TM2D1: variants seen among roughly 807,000 people sequenced by gnomAD.
The protein encoded by TM2D1 is TM2 domain containing 1.
Under a neutral mutation model 28.4 loss-of-function variants are expected in TM2D1, and 15 were observed. The ratio of observed to expected loss-of-function variants is 0.53; its 90% CI spans 0.35 to 0.81. The LOEUF (loss-of-function observed/expected upper bound fraction) is 0.81. Ranked by LOEUF, TM2D1 falls within the 40% of genes least tolerant of loss-of-function variation. The pLI, the probability that TM2D1 is intolerant of heterozygous loss-of-function variation, is 0.01. For missense variants in TM2D1, 236 were observed against 254.9 expected (o/e 0.93, Z 0.50); for synonymous variants, 93 against 96.2 (o/e 0.97, Z 0.20).
chr1:61,721,852 G>C (rs1160537766), intron 2 of TM2D1, among the ~76,000 whole-genome samples: 1 of 148,220 alleles, frequency 6.7e-6, no homozygotes, highest in African/African-American at 2.5e-5. Context: ...GCTCATGCCT[G>C]TCATCCCACC....
intron 2 of TM2D1, among the ~76,000 whole-genome samples, chr1:61,717,662 G>C (rs1644532150): frequency 6.6e-6 from 1 of 152,012 alleles, no homozygotes; most frequent in Non-Finnish European, 1.5e-5. Context: ...TAGCCTCGAA[G>C]TCCTGCGCTC....
intron 5 of TM2D1, among the ~76,000 whole-genome samples, chr1:61,693,245 CTATT>C (rs1387903473): frequency 6.6e-6 from 1 of 152,104 alleles, no homozygotes; most frequent in African/African-American, 2.4e-5. Flanking sequence ...CTCAAAAAAA[CTATT>C]TATTGTAAAA....
At chr1:61,722,391 CAG>C (rs1489289024) in intron 2 of TM2D1, among the ~76,000 whole-genome samples, 2 of 152,146 alleles carry the variant, frequency 1.3e-5, no homozygotes, top group African/African-American at 4.8e-5. Flanking sequence ...GCCCCAGAGA[CAG>C]AGTCTTGCTC....
chr1:61,682,776 C>T (rs550737494), intron 6 of TM2D1, among the ~76,000 whole-genome samples: 143 of 151,900 alleles, frequency 9.4e-4, no homozygotes, highest in African/African-American at 3.4e-3. Flanking sequence ...GCCTGTAGTC[C>T]CAGCTACTGG....
intron 2 of TM2D1, among the ~76,000 whole-genome samples, chr1:61,713,608 G>A (rs972802660): frequency 6.6e-6 from 1 of 151,386 alleles, no homozygotes; most frequent in Non-Finnish European, 1.5e-5. Flanking sequence ...GATTAAGTGT[G>A]CCAGAAAGCA....
At chr1:61,683,702 A>G (rs2148030600) in intron 5 of TM2D1, 156 bp from the exon 6 acceptor site, 1 of 463,398 alleles carries the variant, frequency 2.2e-6, no homozygotes, top group Non-Finnish European at 3.8e-6. Flanking sequence ...TCATGTAGCT[A>G]AAAACAACTA....
intron 2 of TM2D1, among the ~76,000 whole-genome samples, chr1:61,717,736 C>G (rs1403941380): frequency 6.6e-6 from 1 of 151,976 alleles, no homozygotes; most frequent in Non-Finnish European, 1.5e-5. Context: ...ACCACCACAC[C>G]TGGTATAGAA....
intron 3 of TM2D1, among the ~76,000 whole-genome samples, chr1:61,705,475 C>T (rs113475737): frequency 1.1e-3 from 164 of 152,258 alleles, no homozygotes; most frequent in Non-Finnish European, 1.9e-3. Context: ...AGTGAGCCAC[C>T]ACACCTGGCT....
At chr1:61,719,429 G>A (rs1348467987) in intron 2 of TM2D1, among the ~76,000 whole-genome samples, 2 of 151,946 alleles carry the variant, frequency 1.3e-5, no homozygotes, top group African/African-American at 4.8e-5. Flanking sequence ...GAGAGAGAGA[G>A]AGAGTATGTT....
chr1:61,703,258 T>C lies in TM2D1; in HGVS notation c.348-2233A>G, dbSNP rs146739761. Among the ~76,000 whole-genome samples the C allele has an allele frequency of 2.8e-3, 410 of 147,718 alleles. 9 individuals carry two copies. The highest frequency in any genetic ancestry group is 3.7e-3 in the East Asian group (19 of 5,130). Reference sequence around the variant, plus strand: ...TATATATTATATATGATCTAAAATATATAATTATATTTTATATATTATATA... The same window carrying C: ...TATATATTATATATGATCTAAAATACATAATTATATTTTATATATTATATA... On this transcript the variant is annotated intron_variant, in intron 3 of 6. Transcript: ENST00000606498.
At chr1:61,688,835 AG>A (rs1054386880) in intron 5 of TM2D1, among the ~76,000 whole-genome samples, 7 of 92,912 alleles carry the variant, frequency 7.5e-5, no homozygotes, top group African/African-American at 1.4e-4. Context: ...AACTGAGGTC[AG>A]GAGTTTGAGA....
chr1:61,718,984 T>C (rs1446716432), intron 2 of TM2D1, among the ~76,000 whole-genome samples: 11 of 152,246 alleles, frequency 7.2e-5, no homozygotes, highest in Non-Finnish European at 1.5e-4. Context: ...TTAAAGCATG[T>C]GTATTAATAA....
In TM2D1 at chr1:61,693,476, G is replaced by A. The variant is rs528118269; in HGVS notation, c.513+1221C>T. Among the ~76,000 whole-genome samples, 3 of 152,248 alleles carry A rather than the reference G, an allele frequency of 2.0e-5. No homozygotes were observed. In the South Asian group the frequency reaches 6.2e-4, roughly 32 times the overall value. ...AATTCCTTGGATCCTCACTGAAAGT[G>A]AGAAGCTCATTTCTAAGCATATGTG... On this transcript the variant is annotated intron_variant, in intron 5 of 6. Transcript: ENST00000606498.
intron 3 of TM2D1, among the ~76,000 whole-genome samples, chr1:61,706,611 C>G (rs1268743441): frequency 6.6e-6 from 1 of 151,632 alleles, no homozygotes; most frequent in Non-Finnish European, 1.5e-5. Flanking sequence ...GAGTTCGAGA[C>G]CAGCCTGACA....
chr1:61,700,071 C>G (rs1297477376), intron 4 of TM2D1: 2 of 1,407,590 alleles, frequency 1.4e-6, no homozygotes, highest in African/African-American at 3.0e-5. Context: ...CAGAGTACTA[C>G]AGTAAATAAA....
chr1:61,710,475 TAC>T lies in TM2D1; in HGVS notation c.239-1040_239-1039del, dbSNP rs34366819. On this transcript the variant is annotated intron_variant, in intron 2 of 6. Transcript: ENST00000606498. ...ATATATATATATACATATATATATA[TAC>T]ACACACACACACACATATACACACA... Among the ~76,000 whole-genome samples the T allele has an allele frequency of 2.0e-3, 237 of 119,576 alleles. 4 individuals are homozygous for T. Among genetic ancestry groups the T allele is most frequent in the East Asian group, 9.4e-3 (37 of 3,922 alleles). The allele number at this position is 119,576 out of a possible 152,430, so 78.4% of individuals were successfully genotyped here.
At chr1:61,701,581 G>GTGTGTA (rs1169393125) in intron 3 of TM2D1, among the ~76,000 whole-genome samples, 17 of 151,922 alleles carry the variant, frequency 1.1e-4, no homozygotes, top group Admixed American at 4.6e-4. Context: ...GTGTGTGTGT[G>GTGTGTA]TGTGTGTGTA....
At chr1:61,724,845 T>A in intron 1 of TM2D1, 112 bp downstream of exon 1, 1 of 1,180,482 alleles carries the variant, frequency 8.5e-7, no homozygotes, top group Non-Finnish European at 1.1e-6. Context: ...AAGCCACAGA[T>A]CAGATTATCG....
intron 3 of TM2D1, among the ~76,000 whole-genome samples, chr1:61,705,279 C>T (rs56108611): frequency 0.017 from 2,609 of 152,196 alleles, 25 homozygotes; most frequent in Admixed American, 0.03. Context: ...CTCCACCTTC[C>T]AGGTTCAAGC....
Sources: allele counts gnomAD v4.1 joint callset (sites outside exome capture counted in the v4.1 genomes callset), GRCh38; gene constraint gnomAD v4.1.1; transcripts MANE v1.5; gene names NCBI Gene and HGNC (gene_info 2026-07-23, HGNC 2026-07-21).